Variants in MAST4 observed in about 807,000 individuals in gnomAD.
The protein encoded by MAST4 is microtubule associated serine/threonine kinase family member 4.
MAST4 carries 89 observed loss-of-function variants against 162.7 expected under a neutral mutation model. That is an observed-to-expected ratio of 0.55 (90% CI 0.46 to 0.65). MAST4 has a LOEUF of 0.65. Among genes scored for constraint, MAST4 ranks in the 30% least tolerant of loss-of-function variants. MAST4 has a pLI of 0.00. For missense variants in MAST4, 3,153 were observed against 3,374.0 expected, an observed-to-expected ratio of 0.93 and a Z score of 1.62; for synonymous variants, 1,479 against 1,361.1, an observed-to-expected ratio of 1.09 and a Z score of -1.91.
chr5:67,034,214 T>C (rs561191904), intron 4 of MAST4, among the ~76,000 whole-genome samples: 1 of 152,330 alleles, frequency 6.6e-6, no homozygotes, highest in East Asian at 1.9e-4. Context: ...TCTGCTAAGT[T>C]GGCTTTATGT....
intron 1 of MAST4, among the ~76,000 whole-genome samples, chr5:66,667,650 A>G (rs1293482053): frequency 6.6e-6 from 1 of 152,144 alleles, no homozygotes; most frequent in South Asian, 2.1e-4. Flanking sequence ...CTACTCCACC[A>G]CTTATGGTCA....
chr5:66,720,979 T>G (rs1203921035), intron 1 of MAST4, among the ~76,000 whole-genome samples: 1 of 152,134 alleles, frequency 6.6e-6, no homozygotes, highest in African/African-American at 2.4e-5. Flanking sequence ...CTCTTCCTGC[T>G]TGTTGTCTTA....
chr5:66,612,721 C>G (rs11960729), intron 1 of MAST4, among the ~76,000 whole-genome samples: 1 of 152,062 alleles, frequency 6.6e-6, no homozygotes, highest in Non-Finnish European at 1.5e-5. Context: ...ATCTGTAAAT[C>G]CTGATGGATT....
intron 2 of MAST4, among the ~76,000 whole-genome samples, chr5:66,787,697 C>T (rs1373236788): frequency 1.3e-5 from 2 of 152,150 alleles, no homozygotes; most frequent in African/African-American, 4.8e-5. Context: ...GGCTGGGGTC[C>T]CCAACACATG....
At chr5:66,693,538 G>A (rs1414370850) in intron 1 of MAST4, among the ~76,000 whole-genome samples, 1 of 152,056 alleles carries the variant, frequency 6.6e-6, no homozygotes, top group Non-Finnish European at 1.5e-5. Context: ...AACAAGATGA[G>A]CAAGATGTGA....
At chr5:66,903,747 A>G (rs1054937841) in intron 4 of MAST4, among the ~76,000 whole-genome samples, 109 of 152,342 alleles carry the variant, frequency 7.2e-4, no homozygotes, top group African/African-American at 2.5e-3. Context: ...TTTATCCCTC[A>G]AAGAGTTGAG....
chr5:67,157,533 CTT>C (rs1397825623), intron 26 of MAST4, among the ~76,000 whole-genome samples: 1 of 152,184 alleles, frequency 6.6e-6, no homozygotes, highest in African/African-American at 2.4e-5. Context: ...TCTTGACAGT[CTT>C]ATACTTTTAC....
intron 4 of MAST4, among the ~76,000 whole-genome samples, chr5:67,043,595 A>G (rs1471718762): frequency 3.3e-5 from 5 of 152,224 alleles, no homozygotes; most frequent in Non-Finnish European, 5.9e-5. Context: ...ATGCCATTAA[A>G]TTAAATTGAT....
chr5:67,017,610 T>C (rs891970731), intron 4 of MAST4, among the ~76,000 whole-genome samples: 65 of 150,440 alleles, frequency 4.3e-4, no homozygotes, highest in African/African-American at 1.5e-3. Context: ...CTTTTCTTTT[T>C]TTTTTTTTTT....
At chr5:66,821,793 G>A (rs577612765) in intron 3 of MAST4, among the ~76,000 whole-genome samples, 5 of 152,116 alleles carry the variant, frequency 3.3e-5, no homozygotes, top group Non-Finnish European at 7.4e-5. Flanking sequence ...GCCCTCCTCA[G>A]CCTTGAGCAT....
At chr5:66,598,048 G>A (rs1205632671) in intron 1 of MAST4, among the ~76,000 whole-genome samples, 1 of 152,136 alleles carries the variant, frequency 6.6e-6, no homozygotes, top group East Asian at 1.9e-4. Context: ...TCTTGGATGG[G>A]GTTAGCTTTA....
At chr5:66,625,017 G>T (rs529552262) in intron 1 of MAST4, among the ~76,000 whole-genome samples, 1 of 150,614 alleles carries the variant, frequency 6.6e-6, no homozygotes, top group South Asian at 2.1e-4. Context: ...CGTAGCAAAG[G>T]AAATAATCAA....
intron 1 of MAST4, among the ~76,000 whole-genome samples, chr5:66,605,845 T>G (rs1262166121): frequency 6.6e-6 from 1 of 152,224 alleles, no homozygotes; most frequent in Non-Finnish European, 1.5e-5. Context: ...CAATATCGTT[T>G]TTGTTTTCAA....
At chr5:66,788,903 A>T in intron 3 of MAST4, 109 bp downstream of exon 3, 2 of 1,318,094 alleles carry the variant, frequency 1.5e-6, no homozygotes, top group Non-Finnish European at 2.0e-6. Context: ...ATGTGACGTT[A>T]AGCACATATT....
intron 1 of MAST4, among the ~76,000 whole-genome samples, chr5:66,710,140 T>C (rs1750402640): frequency 6.6e-6 from 1 of 152,250 alleles, no homozygotes; most frequent in Admixed American, 6.5e-5. Flanking sequence ...CAAGTTTAGC[T>C]GCTTCCATTT....
In MAST4 at chr5:66,677,053, A is replaced by C. The variant is rs1028102411; in HGVS notation, c.363+80035A>C. Among the ~76,000 whole-genome samples, 3 of 152,166 alleles carry C rather than the reference A, an allele frequency of 2.0e-5. No individual in the cohort carries two copies. In the East Asian group the frequency reaches 5.8e-4, roughly 29 times the overall value. Reference sequence around the variant, plus strand: ...GCAGCCTGCATGATCACCTTTCTCAATAGACATTTATTGAGTGCCTCCTGC... The same window carrying C: ...GCAGCCTGCATGATCACCTTTCTCACTAGACATTTATTGAGTGCCTCCTGC... On this transcript the variant is annotated intron_variant, in intron 1 of 28. Transcript: ENST00000403625.
intron 3 of MAST4, among the ~76,000 whole-genome samples, chr5:66,897,204 A>G (rs1762737775): frequency 1.3e-5 from 2 of 152,010 alleles, no homozygotes; most frequent in South Asian, 4.1e-4. Flanking sequence ...TTCTTACGTG[A>G]CAGTAAATTT....
intron 1 of MAST4, among the ~76,000 whole-genome samples, chr5:66,607,061 T>C (rs537808931): frequency 1.3e-5 from 2 of 152,264 alleles, no homozygotes; most frequent in African/African-American, 4.8e-5. Flanking sequence ...ATGTTACAGC[T>C]AAGTGACCCA....
intron 4 of MAST4, among the ~76,000 whole-genome samples, chr5:66,960,556 C>T (rs1357695972): frequency 6.6e-6 from 1 of 152,110 alleles, no homozygotes; most frequent in African/African-American, 2.4e-5. Flanking sequence ...CTACTTAACC[C>T]TCCTCTCTCT....
Sources: gnomAD v4.1 joint callset for allele counts (sites outside exome capture counted in the v4.1 genomes callset) on GRCh38, gnomAD v4.1.1 for gene constraint, MANE v1.5 for transcripts, NCBI Gene and HGNC (gene_info 2026-07-23, HGNC 2026-07-21) for gene names.